The following USP24 variants were observed in gnomAD, a reference collection of about 807,000 sequenced individuals.
USP24 encodes ubiquitin specific peptidase 24.
Under a neutral mutation model 361.6 loss-of-function variants are expected in USP24, and 97 were observed. The observed-to-expected ratio is 0.27, with a 90% CI of 0.23 to 0.32. The LOEUF is 0.32. Among genes scored for constraint, USP24 ranks in the 10% least tolerant of loss-of-function variants. The probability of loss-of-function intolerance (pLI) is 1.00; values close to 1 mark genes in which losing one functional copy is unlikely to be tolerated. For synonymous variants in USP24, 1,098 were observed against 1,124.6 expected, an observed-to-expected ratio of 0.98 and a Z score of 0.47; for missense variants, 2,353 against 3,165.6, an observed-to-expected ratio of 0.74 and a Z score of 6.16.
At chr1:55,111,729 A>AT (rs1202022647) in intron 38 of USP24, among the ~76,000 whole-genome samples, 1 of 152,140 alleles carries the variant, frequency 6.6e-6, no homozygotes, top group Non-Finnish European at 1.5e-5. Context: ...CTATAACATA[A>AT]TTTTTAAGTT....
At chr1:55,157,168 C>G in intron 11 of USP24, 88 bp downstream of exon 11, 1 of 1,349,284 alleles carries the variant, frequency 7.4e-7, no homozygotes, top group Non-Finnish European at 1.0e-6. Context: ...CTAATACAGT[C>G]AAAGCAACAA....
chr1:55,138,893 G>T, intron 25 of USP24, 51 bp downstream of exon 25: 1 of 1,565,528 alleles, frequency 6.4e-7, no homozygotes, highest in Non-Finnish European at 8.7e-7. Context: ...TGGGAAGATC[G>T]CTTGAGTCCA....
chr1:55,076,930 T>C (rs6694813), intron 62 of USP24, among the ~76,000 whole-genome samples: 16,808 of 152,222 alleles, frequency 0.11, 1,122 homozygotes, highest in Non-Finnish European at 0.15. Flanking sequence ...ACACGATGCC[T>C]TCTCCACTGT....
At chr1:55,161,120 TC>T (rs1276337670) in intron 8 of USP24, among the ~76,000 whole-genome samples, 1 of 152,088 alleles carries the variant, frequency 6.6e-6, no homozygotes, top group Non-Finnish European at 1.5e-5. Flanking sequence ...ATGCCTGTAA[TC>T]CCAGCACTTT....
At chr1:55,183,347 C>T (rs1451808937) in intron 1 of USP24, among the ~76,000 whole-genome samples, 1 of 152,140 alleles carries the variant, frequency 6.6e-6, no homozygotes, top group South Asian at 2.1e-4. Context: ...TTTATACACA[C>T]ATGCACATTA....
chr1:55,143,153 A>G (rs1486397623), intron 21 of USP24, 34 bp from the exon 22 acceptor site: 1 of 1,415,898 alleles, frequency 7.1e-7, no homozygotes, highest in Non-Finnish European at 9.3e-7. Context: ...ATTATAAAGC[A>G]TATCAAGATC....
At chr1:55,158,284 C>A (rs898873704) in intron 10 of USP24, among the ~76,000 whole-genome samples, 1 of 152,120 alleles carries the variant, frequency 6.6e-6, no homozygotes, top group African/African-American at 2.4e-5. Context: ...TCAATGAACT[C>A]CTCTTTTGGT....
At chr1:55,142,436 A>G (rs1029139036) in intron 23 of USP24, among the ~76,000 whole-genome samples, 1 of 152,178 alleles carries the variant, frequency 6.6e-6, no homozygotes, top group Non-Finnish European at 1.5e-5. Context: ...AAAAAGAAAA[A>G]GATTCTATTA....
At chr1:55,193,753 T>C (rs973102716) in intron 1 of USP24, among the ~76,000 whole-genome samples, 1 of 152,184 alleles carries the variant, frequency 6.6e-6, no homozygotes, top group African/African-American at 2.4e-5. Context: ...TATATTATAA[T>C]TTAATTATTC....
intron 5 of USP24, among the ~76,000 whole-genome samples, chr1:55,169,776 C>T (rs1649263407): frequency 6.6e-6 from 1 of 152,070 alleles, no homozygotes. Context: ...CCATCAAAAA[C>T]CAAGACTTAC....
chr1:55,214,200 G>GC (rs1393036553), intron 1 of USP24, among the ~76,000 whole-genome samples: 1 of 149,968 alleles, frequency 6.7e-6, no homozygotes, highest in South Asian at 2.1e-4. Flanking sequence ...CCTACTCAAT[G>GC]CCCCCCCTTT....
At chr1:55,195,634 C>T (rs753116631) in intron 1 of USP24, among the ~76,000 whole-genome samples, 11 of 152,186 alleles carry the variant, frequency 7.2e-5, no homozygotes, top group Admixed American at 5.2e-4. Context: ...GGCAATCTTG[C>T]GACATACTAT....
In USP24 at chr1:55,120,673, C is replaced by G. The variant is rs1646254076; in HGVS notation, c.4431G>C (p.Gln1477His). ...CCGTGAGGATTACGCCTAGAAGAAA[C>G]TGATTTGGCTTCTGCACATCTGGAT... ...SAHPDVQKPN[Q>H]FLLGVILTAQ... Residue 1477 changes from glutamine to histidine, a missense_variant, in exon 38 of 68, where the codon CAG becomes CAC. Around this residue, in one of 8 missense-constraint regions of USP24, gnomAD observed 949 missense variants for 1,280.5 expected, o/e 0.74. Coordinates refer to ENST00000294383, the MANE Select transcript of USP24 (RefSeq NM_015306.3). 6.4e-7 allele frequency: 1 copy of G among 1,565,674 alleles called. No homozygotes were observed. Among genetic ancestry groups the G allele is most frequent in the African/African-American group, 1.4e-5 (1 of 73,864 alleles).
intron 1 of USP24, among the ~76,000 whole-genome samples, chr1:55,196,840 G>C (rs567554888): frequency 6.6e-6 from 1 of 152,320 alleles, no homozygotes; most frequent in African/African-American, 2.4e-5. Context: ...TCTGCCCGTT[G>C]AGTTCCAGCC....
intron 5 of USP24, among the ~76,000 whole-genome samples, chr1:55,170,396 C>G (rs1557664615): frequency 6.6e-6 from 1 of 152,066 alleles, no homozygotes; most frequent in Non-Finnish European, 1.5e-5. Flanking sequence ...TGAACCACCA[C>G]GTTCAGTATT....
chr1:55,124,412 A>C, intron 35 of USP24, 57 bp downstream of exon 35: 1 of 1,547,340 alleles, frequency 6.5e-7, no homozygotes, highest in Non-Finnish European at 8.8e-7. Context: ...TACACACAGA[A>C]TTCTTATGGT....
At chr1:55,183,157 T>C (rs1403150479) in intron 1 of USP24, among the ~76,000 whole-genome samples, 1 of 152,204 alleles carries the variant, frequency 6.6e-6, no homozygotes, top group Non-Finnish European at 1.5e-5. Flanking sequence ...TTATTATGTG[T>C]TTTATTTTAC....
At chr1:55,113,555 C>A (rs146386043) in intron 38 of USP24, among the ~76,000 whole-genome samples, 3 of 152,212 alleles carry the variant, frequency 2.0e-5, no homozygotes, top group African/African-American at 7.2e-5. Flanking sequence ...TTCCTGATAC[C>A]AAAACCTGGC....
chr1:55,166,576 C>T lies in USP24; in HGVS notation c.853G>A (p.Val285Ile). 6.3e-7 allele frequency: 1 copy of T among 1,592,448 alleles called. No homozygotes were observed. Among genetic ancestry groups the T allele is most frequent in the Admixed American group, 1.7e-5 (1 of 57,238 alleles). ...TAACAAAAGTCATATACCTTATTTACCAAATCCACAACCCATCCATGAGGC... is the reference window on the plus strand; with the variant it reads ...TAACAAAAGTCATATACCTTATTTATCAAATCCACAACCCATCCATGAGGC... ...KEPHGWVVDL[V>I]NKFGELGGFA... is the part of the protein sequence containing the mutation. The change falls in exon 6 of 68, where the codon GTA becomes ATA. Residue 285 changes from valine (V) to isoleucine (I), a missense_variant. Transcript: ENST00000294383.
Sources: allele counts gnomAD v4.1 joint callset (sites outside exome capture counted in the v4.1 genomes callset), GRCh38; gene constraint gnomAD v4.1.1; regional missense constraint gnomAD v4.1.1; transcripts MANE v1.5; gene names NCBI Gene and HGNC (gene_info 2026-07-23, HGNC 2026-07-21).